DENND1B: variants seen among roughly 807,000 people sequenced by gnomAD.
DENND1B encodes DENN domain containing 1B, also known as DENN domain-containing protein 1B.
Under a neutral mutation model 90.1 loss-of-function variants are expected in DENND1B, and 59 were observed. The observed-to-expected ratio is 0.65, with a 90% CI of 0.53 to 0.81. The LOEUF (loss-of-function observed/expected upper bound fraction) is 0.81. Ranked by LOEUF, DENND1B falls within the 40% of genes least tolerant of loss-of-function variation. DENND1B has a pLI of 0.00. For missense variants in DENND1B, 862 were observed against 912.6 expected, an observed-to-expected ratio of 0.94 and a Z score of 0.71; for synonymous variants, 337 against 324.6, an observed-to-expected ratio of 1.04 and a Z score of -0.41.
rs577884174 is a variant in DENND1B at position 197,510,560 on chromosome 1, A to C, written c.2228T>G (p.Ile743Ser). The change falls in exon 23 of 23, where the codon ATT becomes AGT. Residue 743 changes from isoleucine to serine, a missense_variant. Coordinates refer to ENST00000620048, the MANE Select transcript of DENND1B (RefSeq NM_001195215.2). ...GKEAKETSEDIGLLHEVVSLC... is the reference protein window; with the variant it reads ...GKEAKETSEDSGLLHEVVSLC... ...TGACACTACTTCATGGAGCAGTCCA[A>C]TATCTTCTGAAGTCTCTTTGGCTTC... is the stretch of plus-strand genomic sequence containing the variant. 1 of 1,612,736 alleles carries C rather than the reference A, an allele frequency of 6.2e-7. No homozygotes were observed. Among genetic ancestry groups the C allele is most frequent in the Non-Finnish European group, 8.5e-7 (1 of 1,179,198 alleles).
intron 15 of DENND1B, among the ~76,000 whole-genome samples, chr1:197,574,270 A>T (rs1365294260): frequency 2.0e-5 from 3 of 152,200 alleles, no homozygotes; most frequent in Non-Finnish European, 2.9e-5. Context: ...AGTGTGCAAA[A>T]ATCACAAGCA....
intron 9 of DENND1B, 43 bp downstream of exon 9, chr1:197,645,647 T>G: frequency 7.9e-7 from 1 of 1,267,656 alleles, no homozygotes; most frequent in Non-Finnish European, 1.1e-6. Context: ...ATAAACAAAA[T>G]TAATAATATA....
rs1673996052 is a variant in DENND1B at position 197,579,418 on chromosome 1, A to C, written c.1149+3734T>G. On this transcript the variant is annotated intron_variant, in intron 15 of 22. Coordinates refer to ENST00000620048, the MANE Select transcript of DENND1B (RefSeq NM_001195215.2). ...TCAATATATTGCTCCTTTGAAGGTA[A>C]TCTTTTTTCTCCTATTTAAATAAAT... Among the ~76,000 whole-genome samples, 3 of 152,228 alleles carry C rather than the reference A, an allele frequency of 2.0e-5. No homozygotes were observed. In the South Asian group the frequency reaches 6.2e-4, roughly 32 times the overall value.
At chr1:197,694,552 G>A (rs1658240457) in intron 3 of DENND1B, among the ~76,000 whole-genome samples, 1 of 151,158 alleles carries the variant, frequency 6.6e-6, no homozygotes, top group Non-Finnish European at 1.5e-5. Context: ...GCCTATGTTA[G>A]GTAACCTTGA....
chr1:197,713,954 A>T (rs1558433864), intron 3 of DENND1B, among the ~76,000 whole-genome samples: 1 of 73,420 alleles, frequency 1.4e-5, no homozygotes, highest in African/African-American at 5.0e-5. Flanking sequence ...CATATACACC[A>T]ATAATAAATA....
At chr1:197,542,725 G>C (rs1380399158) in intron 18 of DENND1B, among the ~76,000 whole-genome samples, 1 of 152,052 alleles carries the variant, frequency 6.6e-6, no homozygotes, top group South Asian at 2.1e-4. Context: ...TTCAGAAAAT[G>C]AGCAGTCTGG....
chr1:197,583,098 T>G, intron 15 of DENND1B, 54 bp downstream of exon 15: 1 of 1,476,928 alleles, frequency 6.8e-7, no homozygotes, highest in Non-Finnish European at 9.5e-7. Flanking sequence ...AATACAAATG[T>G]GTAAAACTGA....
At chr1:197,595,780 T>C (rs1675632553) in intron 13 of DENND1B, among the ~76,000 whole-genome samples, 1 of 152,096 alleles carries the variant, frequency 6.6e-6, no homozygotes, top group Non-Finnish European at 1.5e-5. Context: ...CATTTGCATA[T>C]ATAATTTTCC....
At chr1:197,550,063 A>C (rs1227249792) in intron 16 of DENND1B, among the ~76,000 whole-genome samples, 1 of 152,174 alleles carries the variant, frequency 6.6e-6, no homozygotes, top group Non-Finnish European at 1.5e-5. Context: ...GATAAAGAGG[A>C]GAAAATAGAT....
intron 20 of DENND1B, among the ~76,000 whole-genome samples, chr1:197,521,864 C>T (rs1014178520): frequency 6.6e-6 from 1 of 151,926 alleles, no homozygotes; most frequent in Non-Finnish European, 1.5e-5. Flanking sequence ...ATTTGGTGAA[C>T]ATTTTCTCTA....
At chr1:197,723,585 G>A (rs977947523) in intron 2 of DENND1B, among the ~76,000 whole-genome samples, 3 of 152,122 alleles carry the variant, frequency 2.0e-5, no homozygotes, top group East Asian at 1.9e-4. Flanking sequence ...CAACACAAAC[G>A]TTTTTATAAG....
chr1:197,663,282 C>T (rs985423014), intron 5 of DENND1B, among the ~76,000 whole-genome samples: 5 of 152,128 alleles, frequency 3.3e-5, no homozygotes, highest in African/African-American at 7.2e-5. Context: ...AAACAATGCT[C>T]TCTTTGTAAA....
At chr1:197,636,225 A>C (rs1250435697) in intron 10 of DENND1B, among the ~76,000 whole-genome samples, 1 of 152,158 alleles carries the variant, frequency 6.6e-6, no homozygotes, top group Non-Finnish European at 1.5e-5. Flanking sequence ...ACAGAAGATA[A>C]GTGCTAGCCC....
intron 10 of DENND1B, among the ~76,000 whole-genome samples, chr1:197,625,568 T>A (rs1345761773): frequency 1.3e-5 from 2 of 151,950 alleles, no homozygotes; most frequent in Non-Finnish European, 2.9e-5. Context: ...TCATGCCAAA[T>A]TGTAAAGACC....
At chr1:197,585,396 T>C (rs1046333915) in intron 14 of DENND1B, among the ~76,000 whole-genome samples, 1 of 152,206 alleles carries the variant, frequency 6.6e-6, no homozygotes, top group Admixed American at 6.5e-5. Context: ...ATGGGATAGA[T>C]TTTTCCTTAA....
At chr1:197,631,059 T>A (rs1489282227) in intron 10 of DENND1B, among the ~76,000 whole-genome samples, 1 of 152,146 alleles carries the variant, frequency 6.6e-6, no homozygotes, top group Non-Finnish European at 1.5e-5. Flanking sequence ...ATTCTCACTC[T>A]CAGAAAGTCA....
intron 2 of DENND1B, among the ~76,000 whole-genome samples, chr1:197,770,440 A>G (rs1172993904): frequency 6.6e-6 from 1 of 151,852 alleles, no homozygotes; most frequent in Admixed American, 6.6e-5. Flanking sequence ...GAAGGGAGTA[A>G]ACCACTCAAA....
intron 10 of DENND1B, among the ~76,000 whole-genome samples, chr1:197,621,547 ATTAT>A (rs1426212895): frequency 6.6e-6 from 1 of 151,426 alleles, no homozygotes; most frequent in Non-Finnish European, 1.5e-5. Context: ...TTAATTTAAC[ATTAT>A]TTATGATATA....
chr1:197,650,489 C>T (rs1380446929), intron 7 of DENND1B, among the ~76,000 whole-genome samples: 2 of 152,136 alleles, frequency 1.3e-5, no homozygotes, highest in Non-Finnish European at 2.9e-5. Flanking sequence ...GTAGAACTAC[C>T]ATCTGATCTA....
Sources: gnomAD v4.1 joint callset for allele counts (sites outside exome capture counted in the v4.1 genomes callset) on GRCh38, gnomAD v4.1.1 for gene constraint, MANE v1.5 for transcripts, NCBI Gene and HGNC (gene_info 2026-07-23, HGNC 2026-07-21) for gene names.